The following NR5A2 variants were observed in gnomAD, a reference collection of about 807,000 sequenced individuals.
The protein encoded by NR5A2 is nuclear receptor subfamily 5 group A member 2, also known as CYP7A promoter-binding factor.
NR5A2 carries 26 observed loss-of-function variants against 62.7 expected under a neutral mutation model. That is an observed-to-expected ratio of 0.41 (90% CI 0.30 to 0.58). NR5A2 has a LOEUF of 0.58. Ranked by LOEUF, NR5A2 falls within the 20% of genes least tolerant of loss-of-function variation. NR5A2 has a pLI of 0.22. For missense variants in NR5A2, 541 were observed against 669.1 expected (o/e 0.81, Z 2.11); for synonymous variants, 246 against 241.7 (o/e 1.02, Z -0.16).
intron 5 of NR5A2, among the ~76,000 whole-genome samples, chr1:200,065,901 C>T (rs1047259366): frequency 2.6e-5 from 4 of 152,124 alleles, no homozygotes; most frequent in South Asian, 4.2e-4. Context: ...TTAATATTTT[C>T]AAGAAAATAA....
chr1:200,047,126 T>C (rs1662403481), intron 4 of NR5A2, among the ~76,000 whole-genome samples: 2 of 152,254 alleles, frequency 1.3e-5, no homozygotes, highest in South Asian at 4.1e-4. Context: ...GTCTCTAGTT[T>C]CTGTCTAATT....
At chr1:200,035,098 G>C (rs983335227) in intron 1 of NR5A2, among the ~76,000 whole-genome samples, 4 of 152,060 alleles carry the variant, frequency 2.6e-5, no homozygotes, top group Non-Finnish European at 4.4e-5. Context: ...GGCAGACCCG[G>C]AGCTCCCGTA....
At chr1:200,141,458 G>C (rs1667441228) in intron 7 of NR5A2, among the ~76,000 whole-genome samples, 1 of 152,160 alleles carries the variant, frequency 6.6e-6, no homozygotes. Flanking sequence ...TTTTATGATT[G>C]TGTAGTGTTC....
intron 7 of NR5A2, among the ~76,000 whole-genome samples, chr1:200,128,585 C>T (rs1666829100): frequency 6.6e-6 from 1 of 152,048 alleles, no homozygotes; most frequent in Admixed American, 6.5e-5. Context: ...AAAATAATAA[C>T]AAAACAAATA....
chr1:200,088,485 G>A (rs556452284), intron 5 of NR5A2, among the ~76,000 whole-genome samples: 17 of 151,926 alleles, frequency 1.1e-4, no homozygotes, highest in African/African-American at 3.6e-4. Context: ...TTGAACTCCC[G>A]ACCTCAGGTG....
chr1:200,064,607 G>A lies in NR5A2; in HGVS notation c.1110+15789G>A, dbSNP rs1663385025. Among the ~76,000 whole-genome samples, 3 of 152,126 alleles carry A rather than the reference G, an allele frequency of 2.0e-5. No individual in the cohort carries two copies. The South Asian group carries it at 6.2e-4, about 31-fold the overall frequency. On this transcript the variant is annotated intron_variant, in intron 5 of 7. Coordinates refer to ENST00000367362, the MANE Select transcript of NR5A2 (RefSeq NM_205860.3). ...TATGGATTTTATTCAAAGCAAAGGG[G>A]AGCCACTGGAAAAACTTAAGCATCG...
chr1:200,036,791 T>C (rs1422825300), intron 1 of NR5A2, among the ~76,000 whole-genome samples: 1 of 152,138 alleles, frequency 6.6e-6, no homozygotes, highest in African/African-American at 2.4e-5. Context: ...GGAAAGGTCG[T>C]TTTCTCTCGC....
rs371233402 is a variant in NR5A2 at position 200,158,372 on chromosome 1, A to C, written c.1379-15591A>C. Among the ~76,000 whole-genome samples the C allele has an allele frequency of 7.0e-4, 107 of 152,344 alleles. 1 individual carries two copies. Among genetic ancestry groups the C allele is most frequent in the African/African-American group, 2.4e-3 (101 of 41,582 alleles). ...TAAAGTAGATGCAAGGGGTTTAATA[A>C]AAATTCAAAGAATGACATAAATATA... is the stretch of plus-strand genomic sequence containing the variant. On this transcript the variant is annotated intron_variant, in intron 7 of 7. Transcript: ENST00000367362.
chr1:200,100,428 T>A (rs947091160), intron 5 of NR5A2, among the ~76,000 whole-genome samples: 1 of 152,228 alleles, frequency 6.6e-6, no homozygotes, highest in Non-Finnish European at 1.5e-5. Flanking sequence ...TTGCCCAAAG[T>A]TACCTGGTTA....
Position 200,147,524 on chromosome 1 carries a change from G to C in NR5A2, c.1379-26439G>C. The C allele has an allele frequency of 1.5e-6, 1 of 664,820 alleles. No individual in the cohort carries two copies. Among genetic ancestry groups the C allele is most frequent in the Non-Finnish European group, 2.9e-6 (1 of 347,784 alleles). 41.2% of individuals were successfully genotyped at this position (664,820 alleles called of 1,614,324 possible). ...CATCCTTAAAATTTCTGCTGCTTTT[G>C]CTGTTTCTGTGATTTCCTTGGTTTC... is the stretch of plus-strand genomic sequence containing the variant. On this transcript the variant is annotated intron_variant, in intron 7 of 7. Transcript: ENST00000367362. This position sits in a 1 kb window ranked among gnomAD's most constrained non-coding sequence, Gnocchi z 4.9.
At chr1:200,069,413 A>T (rs1443915198) in intron 5 of NR5A2, among the ~76,000 whole-genome samples, 4 of 151,986 alleles carry the variant, frequency 2.6e-5, no homozygotes. Flanking sequence ...GGCATGCACC[A>T]CCATGCTTGG....
At chr1:200,056,136 T>C (rs1662904386) in intron 5 of NR5A2, among the ~76,000 whole-genome samples, 1 of 152,212 alleles carries the variant, frequency 6.6e-6, no homozygotes. Flanking sequence ...CTTACATACG[T>C]ATATTGCATG....
chr1:200,096,702 C>T (rs1357681793), intron 5 of NR5A2, among the ~76,000 whole-genome samples: 2 of 152,178 alleles, frequency 1.3e-5, no homozygotes, highest in Non-Finnish European at 2.9e-5. Flanking sequence ...CACAGCATAA[C>T]GATGCTTCAT....
intron 5 of NR5A2, chr1:200,058,428 A>G (rs889600758): frequency 6.6e-6 from 1 of 152,048 alleles, no homozygotes; most frequent in Non-Finnish European, 1.5e-5. Context: ...TACCGAAGAG[A>G]GTGGTTTTTC....
At chr1:200,102,644 C>T (rs1021175536) in intron 5 of NR5A2, among the ~76,000 whole-genome samples, 11 of 152,180 alleles carry the variant, frequency 7.2e-5, no homozygotes, top group African/African-American at 2.7e-4. Flanking sequence ...AATTTTACTT[C>T]CCTTTACTCC....
rs1667754752 is a variant in NR5A2 at position 200,147,385 on chromosome 1, T to C, written c.1378+26430T>C. ...GACTCCCCCAGGCCACCTTAGTTCCTCTCGGAGTCTGTATGGGTCTGGGCG... is the reference window on the plus strand; with the variant it reads ...GACTCCCCCAGGCCACCTTAGTTCCCCTCGGAGTCTGTATGGGTCTGGGCG... On this transcript the variant is annotated intron_variant, in intron 7 of 7. Coordinates refer to ENST00000367362, the MANE Select transcript of NR5A2 (RefSeq NM_205860.3). This position sits in a 1 kb window ranked among gnomAD's most constrained non-coding sequence, Gnocchi z 4.9. 5.4e-6 allele frequency: 2 copies of C among 373,672 alleles called. No individual in the cohort carries two copies. Among genetic ancestry groups the C allele is most frequent in the African/African-American group, 2.1e-5 (1 of 47,482 alleles). The allele number at this position is 373,672 out of a possible 1,614,324, so 23.1% of individuals were successfully genotyped here.
At chr1:200,126,269 A>C (rs1666696476) in intron 7 of NR5A2, among the ~76,000 whole-genome samples, 1 of 152,140 alleles carries the variant, frequency 6.6e-6, no homozygotes, top group Non-Finnish European at 1.5e-5. Flanking sequence ...ACCCCAAACA[A>C]AGTTGGGGGC....
chr1:200,120,878 T>C lies in NR5A2; in HGVS notation c.1301T>C (p.Leu434Ser), dbSNP rs770809230. ...LNNLMSHAQELVAKLRSLQFD... is the reference protein window; with the variant it reads ...LNNLMSHAQESVAKLRSLQFD... ...AACCTCATGAGTCATGCACAGGAGTTAGTGGCAAAACTTCGTTCTCTCCAG... is the reference window on the plus strand; with the variant it reads ...AACCTCATGAGTCATGCACAGGAGTCAGTGGCAAAACTTCGTTCTCTCCAG... The change falls in exon 7 of 8, where the codon TTA (leucine) becomes TCA (serine). Residue 434 changes from leucine to serine, a missense_variant. By Grantham distance (145) the Leu-to-Ser change is moderately radical. Around this residue, in one of 3 missense-constraint regions of NR5A2, gnomAD observed 379 missense variants for 442.0 expected, o/e 0.86. Coordinates refer to ENST00000367362, the MANE Select transcript of NR5A2 (RefSeq NM_205860.3). 1 of 1,611,726 alleles carries C rather than the reference T, an allele frequency of 6.2e-7. No homozygotes were observed. Among genetic ancestry groups the C allele is most frequent in the South Asian group, 1.1e-5 (1 of 90,580 alleles).
At chr1:200,096,779 T>G (rs879801772) in intron 5 of NR5A2, among the ~76,000 whole-genome samples, 9 of 152,256 alleles carry the variant, frequency 5.9e-5, no homozygotes, top group Non-Finnish European at 1.2e-4. Flanking sequence ...ACTGCCCATT[T>G]TCTAGTAACA....
Sources: allele counts gnomAD v4.1 joint callset (sites outside exome capture counted in the v4.1 genomes callset), GRCh38; gene constraint gnomAD v4.1.1; regional missense constraint gnomAD v4.1.1; non-coding constraint Gnocchi (gnomAD v3.1); transcripts MANE v1.5; gene names NCBI Gene and HGNC (gene_info 2026-07-23, HGNC 2026-07-21).